Variants in NHS observed in about 807,000 individuals in gnomAD.
The protein encoded by NHS is actin remodeling regulator NHS.
A neutral mutation model predicts 72.5 loss-of-function variants in NHS; 5 were observed. The observed-to-expected ratio is 0.07, with a 90% CI of 0.04 to 0.14. The LOEUF (loss-of-function observed/expected upper bound fraction) is 0.14, where lower values mean the gene tolerates loss of function less well. Among genes scored for constraint, NHS ranks in the 10% least tolerant of loss-of-function variants. The pLI is 1.00. For missense variants in NHS, 1,072 were observed against 1,355.7 expected (o/e 0.79, Z 3.29); for synonymous variants, 464 against 547.7 (o/e 0.85, Z 2.13).
chrX:17,715,900 A>G (rs1468436541), intron 3 of NHS, among the ~76,000 whole-genome samples: 1 of 111,629 alleles, frequency 9.0e-6, no homozygotes, highest in Admixed American at 9.5e-5. Flanking sequence ...ATAAACTTAA[A>G]TACTCTGAAT....
chrX:17,482,412 T>C (rs1160746808), intron 1 of NHS, among the ~76,000 whole-genome samples: 1 of 112,427 alleles, frequency 8.9e-6, no homozygotes, highest in African/African-American at 3.2e-5. Context: ...ACCAGCAAAA[T>C]TGTTTACTTC....
At chrX:17,655,944 G>A (rs890537950) in intron 1 of NHS, among the ~76,000 whole-genome samples, 1 of 113,002 alleles carries the variant, frequency 8.8e-6, no homozygotes, top group Non-Finnish European at 1.9e-5. Flanking sequence ...AGCTGGGCAT[G>A]GACTCCTGCG....
At chrX:17,538,878 G>C (rs1054270483) in intron 1 of NHS, among the ~76,000 whole-genome samples, 7 of 111,903 alleles carry the variant, frequency 6.3e-5, no homozygotes, top group Non-Finnish European at 1.3e-4. Context: ...TGGATGTACA[G>C]TGACTCTCCC....
chrX:17,504,458 C>A lies in NHS; in HGVS notation c.565+128136C>A, dbSNP rs186571517. 8.0e-5 allele frequency among the ~76,000 whole-genome samples: 9 copies of A among 112,487 alleles called. No homozygotes were observed. The Admixed American group carries it at 8.5e-4, about 11-fold the overall frequency. On this transcript the variant is annotated intron_variant, in intron 1 of 8. Coordinates refer to ENST00000676302, the MANE Select transcript of NHS (RefSeq NM_001291867.2). ...TGTACATGTAAAGATGTGAAATTGACCCTCAAGCTGTCTCTCTCTTCACAG... is the reference window on the plus strand; with the variant it reads ...TGTACATGTAAAGATGTGAAATTGAACCTCAAGCTGTCTCTCTCTTCACAG...
chrX:17,391,001 T>C lies in NHS; in HGVS notation c.565+14679T>C, dbSNP rs138891301. Among the ~76,000 whole-genome samples, 8 of 112,103 alleles carry C rather than the reference T, an allele frequency of 7.1e-5. No individual in the cohort carries two copies. In the East Asian group the frequency reaches 2.2e-3, roughly 31 times the overall value. ...GCCCTTCTGGGTTTTCTTGATTGAT[T>C]TGTCAATTCAAAGGTTTTAGTGGCT... On this transcript the variant is annotated intron_variant, in intron 1 of 8. Coordinates refer to ENST00000676302, the MANE Select transcript of NHS (RefSeq NM_001291867.2).
intron 1 of NHS, among the ~76,000 whole-genome samples, chrX:17,494,132 G>A (rs1209723354): frequency 8.6e-5 from 8 of 92,563 alleles, no homozygotes; most frequent in Admixed American, 2.6e-4. Context: ...AGGCTGTAGT[G>A]CAGTGGTGCA....
intron 1 of NHS, among the ~76,000 whole-genome samples, chrX:17,565,505 T>G (rs1484243719): frequency 1.8e-5 from 2 of 112,282 alleles, no homozygotes; most frequent in Non-Finnish European, 3.8e-5. Context: ...TTTTAACAAT[T>G]TCTTAGAGTT....
intron 1 of NHS, among the ~76,000 whole-genome samples, chrX:17,514,512 C>T (rs2065108702): frequency 8.9e-6 from 1 of 112,223 alleles, no homozygotes; most frequent in South Asian, 3.7e-4. Context: ...AGACTGAAGG[C>T]TGCACTGTTG....
chrX:17,514,394 C>T (rs1214652531), intron 1 of NHS, among the ~76,000 whole-genome samples: 1 of 112,420 alleles, frequency 8.9e-6, no homozygotes, highest in Non-Finnish European at 1.9e-5. Context: ...CATCTTTCTC[C>T]TGTGCTGGAT....
rs753236495 is a variant in NHS at position 17,569,499 on chromosome X, A to AT, written c.566-118237dup. 4.5e-5 allele frequency among the ~76,000 whole-genome samples: 5 copies of AT among 111,532 alleles called. No individual in the cohort carries two copies. The East Asian group carries it at 1.4e-3, about 31-fold the overall frequency. ...AAGTGTCTGTTCATATCCTTTGCCC[A>AT]TTTTTTGATGGGGTTGTTTGCTTTT... On this transcript the variant is annotated intron_variant, in intron 1 of 8. Coordinates refer to ENST00000676302, the MANE Select transcript of NHS (RefSeq NM_001291867.2).
At chrX:17,430,310 TCTTTC>T (rs1442431473) in intron 1 of NHS, among the ~76,000 whole-genome samples, 1 of 85,886 alleles carries the variant, frequency 1.2e-5, no homozygotes, top group Non-Finnish European at 2.2e-5. Context: ...TTTCTTTCTT[TCTTTC>T]CTTTCTTTCT....
At chrX:17,633,246 T>G (rs1053284014) in intron 1 of NHS, among the ~76,000 whole-genome samples, 1 of 112,147 alleles carries the variant, frequency 8.9e-6, no homozygotes, top group Non-Finnish European at 1.9e-5. Context: ...TCACCTTCAC[T>G]GATAGATTTC....
chrX:17,712,312 T>C (rs551365172), intron 3 of NHS, among the ~76,000 whole-genome samples: 173 of 76,883 alleles, frequency 2.3e-3, no homozygotes, highest in Middle Eastern at 6.0e-3. Context: ...CACACACACA[T>C]ATATATATGT....
intron 1 of NHS, among the ~76,000 whole-genome samples, chrX:17,532,363 C>G (rs993642530): frequency 9.0e-6 from 1 of 110,685 alleles, no homozygotes; most frequent in Admixed American, 9.6e-5. Context: ...ACCGGAGCCC[C>G]AGGAAACAAA....
At chrX:17,696,403 G>T (rs2066230510) in intron 3 of NHS, among the ~76,000 whole-genome samples, 2 of 111,649 alleles carry the variant, frequency 1.8e-5, no homozygotes, top group Admixed American at 1.9e-4. Flanking sequence ...TTGCCTCCAG[G>T]CAGAATTTCT....
intron 1 of NHS, among the ~76,000 whole-genome samples, chrX:17,642,168 G>A (rs893743967): frequency 2.7e-5 from 3 of 111,907 alleles, no homozygotes; most frequent in Non-Finnish European, 5.6e-5. Flanking sequence ...GGATGGTCTC[G>A]ATCTCCTGAC....
chrX:17,625,852 TA>T (rs1156960503), intron 1 of NHS, among the ~76,000 whole-genome samples: 89 of 112,208 alleles, frequency 7.9e-4, no homozygotes, highest in African/African-American at 2.7e-3. Flanking sequence ...CGTTCTTTTT[TA>T]TACTAAGTCT....
intron 1 of NHS, among the ~76,000 whole-genome samples, chrX:17,568,647 G>GTTATTA (rs35281549): frequency 0.16 from 15,088 of 91,887 alleles, 1,045 homozygotes; most frequent in South Asian, 0.2. Context: ...AGGTTACTTA[G>GTTATTA]TTATTATTAT....
chrX:17,632,658 A>G (rs1276676569), intron 1 of NHS, among the ~76,000 whole-genome samples: 1 of 111,788 alleles, frequency 8.9e-6, no homozygotes, highest in African/African-American at 3.3e-5. Context: ...GACCTTGGTC[A>G]AGTTCTCTGA....
Sources: gnomAD v4.1 joint callset for allele counts (sites outside exome capture counted in the v4.1 genomes callset) on GRCh38, gnomAD v4.1.1 for gene constraint, MANE v1.5 for transcripts, NCBI Gene and HGNC (gene_info 2026-07-23, HGNC 2026-07-21) for gene names.